The following SLC44A5 variants were observed in gnomAD, a reference collection of about 807,000 sequenced individuals.
SLC44A5 encodes the protein solute carrier family 44 member 5.
SLC44A5 carries 57 observed loss-of-function variants against 101.8 expected under a neutral mutation model. That is an observed-to-expected ratio of 0.56 (90% CI 0.45 to 0.70). The LOEUF is 0.70. Among genes scored for constraint, SLC44A5 ranks in the 30% least tolerant of loss-of-function variants. The pLI, the probability that SLC44A5 is intolerant of heterozygous loss-of-function variation, is 0.00. For missense variants in SLC44A5, 737 were observed against 853.1 expected (o/e 0.86, Z 1.70); for synonymous variants, 281 against 290.9 (o/e 0.97, Z 0.35).
chr1:75,261,643 G>C (rs1488246966), intron 6 of SLC44A5, among the ~76,000 whole-genome samples: 1 of 152,128 alleles, frequency 6.6e-6, no homozygotes, highest in Non-Finnish European at 1.5e-5. Context: ...AATAGAAAAA[G>C]AGGGAATCCT....
At chr1:75,390,302 A>G (rs1203946167) in intron 3 of SLC44A5, among the ~76,000 whole-genome samples, 1 of 151,852 alleles carries the variant, frequency 6.6e-6, no homozygotes, top group Non-Finnish European at 1.5e-5. Flanking sequence ...TCCCTAATTC[A>G]TTCTACAAAA....
intron 5 of SLC44A5, among the ~76,000 whole-genome samples, chr1:75,298,724 T>C (rs574284568): frequency 2.8e-4 from 42 of 152,274 alleles, no homozygotes; most frequent in Non-Finnish European, 5.9e-5. Context: ...AGTCAAACTT[T>C]AATAGACCAA....
chr1:75,691,858 C>T, the SLC44A5 span, among the ~76,000 whole-genome samples: 1 of 152,170 alleles, frequency 6.6e-6, no homozygotes, highest in African/African-American at 2.4e-5. Context: ...ATGGGGGCCT[C>T]ACTCTCATGA....
chr1:75,596,793 C>T (rs754961379), intron 1 of SLC44A5, among the ~76,000 whole-genome samples: 5 of 152,010 alleles, frequency 3.3e-5, no homozygotes, highest in Admixed American at 6.6e-5. Flanking sequence ...AGTGAAGGAC[C>T]CTACCTCAAA....
the SLC44A5 span, among the ~76,000 whole-genome samples, chr1:75,678,088 C>A: frequency 1.3e-5 from 2 of 152,216 alleles, no homozygotes; most frequent in African/African-American, 4.8e-5. Flanking sequence ...GAGATTATAT[C>A]CTGCACCTGG....
intron 2 of SLC44A5, among the ~76,000 whole-genome samples, chr1:75,423,220 A>T (rs1401256922): frequency 2.0e-5 from 3 of 152,198 alleles, no homozygotes; most frequent in Non-Finnish European, 4.4e-5. Context: ...AATTTCATAC[A>T]TACACCGTGA....
intron 1 of SLC44A5, among the ~76,000 whole-genome samples, chr1:75,608,804 T>C (rs1675478980): frequency 6.6e-6 from 1 of 151,940 alleles, no homozygotes; most frequent in Non-Finnish European, 1.5e-5. Flanking sequence ...ACCTCGTCAA[T>C]TGGTCCTACC....
chr1:75,349,518 T>C (rs974427713), intron 3 of SLC44A5, among the ~76,000 whole-genome samples: 2 of 152,110 alleles, frequency 1.3e-5, no homozygotes, highest in Admixed American at 1.3e-4. Flanking sequence ...GGTGAAAATA[T>C]GTTCAAAAGA....
At chr1:75,706,803 C>T in the SLC44A5 span, among the ~76,000 whole-genome samples, 2 of 152,008 alleles carry the variant, frequency 1.3e-5, no homozygotes, top group South Asian at 4.1e-4. Context: ...TGGATTGATA[C>T]ATTTTCCTGT....
intron 5 of SLC44A5, 108 bp downstream of exon 5, chr1:75,300,504 A>G: frequency 6.4e-6 from 4 of 621,578 alleles, no homozygotes; most frequent in Non-Finnish European, 7.7e-6. Context: ...GACAACAGTC[A>G]ATAATAGGAA....
intron 1 of SLC44A5, among the ~76,000 whole-genome samples, chr1:75,567,662 T>C (rs1215108524): frequency 6.6e-6 from 1 of 152,100 alleles, no homozygotes; most frequent in Non-Finnish European, 1.5e-5. Flanking sequence ...ACAGTGAGAG[T>C]TGGCCTTTCA....
At chr1:75,641,828 G>A in the SLC44A5 span, 1 of 1,500,388 alleles carries the variant, frequency 6.7e-7, no homozygotes, top group African/African-American at 1.4e-5. Flanking sequence ...GTTTTCCACT[G>A]GTTCCCTCAA....
chr1:75,330,785 CT>C (rs1325413253), intron 4 of SLC44A5, among the ~76,000 whole-genome samples: 5 of 152,148 alleles, frequency 3.3e-5, no homozygotes. Flanking sequence ...CTTAGTCACA[CT>C]TTAGTGGCCA....
At chr1:75,299,344 C>A (rs1333629613) in intron 5 of SLC44A5, among the ~76,000 whole-genome samples, 1 of 152,082 alleles carries the variant, frequency 6.6e-6, no homozygotes, top group Non-Finnish European at 1.5e-5. Flanking sequence ...TTCTGTGTAG[C>A]TTTTGCATGG....
chr1:75,335,644 T>C (rs905105637), intron 4 of SLC44A5, among the ~76,000 whole-genome samples: 6 of 152,214 alleles, frequency 3.9e-5, no homozygotes, highest in Non-Finnish European at 7.3e-5. Flanking sequence ...TCTCTTTAGA[T>C]ATGTTAATAG....
At chr1:75,394,971 G>C (rs1662034172) in intron 3 of SLC44A5, among the ~76,000 whole-genome samples, 1 of 152,006 alleles carries the variant, frequency 6.6e-6, no homozygotes, top group Non-Finnish European at 1.5e-5. Context: ...AGTTATCCCA[G>C]TAATACCTTG....
intron 3 of SLC44A5, among the ~76,000 whole-genome samples, chr1:75,385,483 A>G (rs1213639349): frequency 6.6e-6 from 1 of 152,126 alleles, no homozygotes; most frequent in Non-Finnish European, 1.5e-5. Flanking sequence ...TCCTCGACAC[A>G]TACACTCTCC....
At chr1:75,502,064 T>C (rs1668989314) in intron 2 of SLC44A5, among the ~76,000 whole-genome samples, 1 of 152,126 alleles carries the variant, frequency 6.6e-6, no homozygotes, top group Non-Finnish European at 1.5e-5. Flanking sequence ...TAAAAGCAAG[T>C]GTAAAAATCA....
chr1:75,325,487 C>T (rs1480739678), intron 4 of SLC44A5, among the ~76,000 whole-genome samples: 9 of 152,024 alleles, frequency 5.9e-5, no homozygotes, highest in Admixed American at 2.0e-4. Context: ...TCCACAGTTT[C>T]GCTTTCCAAG....
Sources: allele counts gnomAD v4.1 joint callset (sites outside exome capture counted in the v4.1 genomes callset), GRCh38; gene constraint gnomAD v4.1.1; transcripts MANE v1.5; gene names NCBI Gene and HGNC (gene_info 2026-07-23, HGNC 2026-07-21).